CCDC171: variants seen among roughly 807,000 people sequenced by gnomAD.
CCDC171 encodes coiled-coil domain-containing protein 171.
CCDC171 carries 177 observed loss-of-function variants against 168.2 expected under a neutral mutation model. The ratio of observed to expected loss-of-function variants is 1.05; its 90% CI spans 0.93 to 1.19. The LOEUF is 1.19. CCDC171 is among the 50% of genes most tolerant of loss of function. The pLI is 0.00. For missense variants in CCDC171, 1,991 were observed against 1,539.0 expected, an observed-to-expected ratio of 1.29 and a Z score of -4.91; for synonymous variants, 687 against 540.8, an observed-to-expected ratio of 1.27 and a Z score of -3.75.
chr9:15,773,798 A>G (rs906340741), intron 18 of CCDC171, among the ~76,000 whole-genome samples: 7 of 152,200 alleles, frequency 4.6e-5, no homozygotes, highest in African/African-American at 1.7e-4. Flanking sequence ...AGGGGGCATA[A>G]TTAAACTAAA....
At chr9:15,836,596 C>T (rs1563840321) in intron 21 of CCDC171, among the ~76,000 whole-genome samples, 1 of 152,182 alleles carries the variant, frequency 6.6e-6, no homozygotes, top group Non-Finnish European at 1.5e-5. Context: ...CGTGATCCGC[C>T]TGCCTCGGCC....
intron 22 of CCDC171, among the ~76,000 whole-genome samples, chr9:15,848,077 C>T (rs2060977876): frequency 5.3e-5 from 8 of 151,916 alleles, no homozygotes; most frequent in Admixed American, 5.3e-4. Context: ...TCTTATAGCA[C>T]TGAGAAAATT....
At chr9:15,843,752 C>G (rs1183573521) in intron 21 of CCDC171, among the ~76,000 whole-genome samples, 1 of 152,066 alleles carries the variant, frequency 6.6e-6, no homozygotes, top group Non-Finnish European at 1.5e-5. Flanking sequence ...CTCAAATGTA[C>G]TGTTGCTTAA....
chr9:15,700,110 G>A (rs1390581872), intron 11 of CCDC171, among the ~76,000 whole-genome samples: 1 of 152,192 alleles, frequency 6.6e-6, no homozygotes. Context: ...GCTCATCAGG[G>A]AGGCTCCGGT....
intron 3 of CCDC171, among the ~76,000 whole-genome samples, chr9:15,572,655 G>A (rs1037678446): frequency 1.3e-5 from 2 of 152,146 alleles, no homozygotes; most frequent in African/African-American, 4.8e-5. Flanking sequence ...ACCTTTTAAT[G>A]TCTCTCTAAG....
At chr9:16,089,815 T>C in the CCDC171 span, among the ~76,000 whole-genome samples, 2 of 150,488 alleles carry the variant, frequency 1.3e-5, no homozygotes, top group Admixed American at 6.6e-5. Flanking sequence ...TCAAGAAACA[T>C]GAAAAAAAGC....
intron 3 of CCDC171, among the ~76,000 whole-genome samples, chr9:16,014,075 A>G (rs980724023): frequency 6.6e-6 from 1 of 150,860 alleles, no homozygotes; most frequent in African/African-American, 2.4e-5. Context: ...TCTGTGTGAT[A>G]GCATTTTACA....
At chr9:16,087,499 T>G in the CCDC171 span, among the ~76,000 whole-genome samples, 1 of 152,018 alleles carries the variant, frequency 6.6e-6, no homozygotes, top group African/African-American at 2.4e-5. Flanking sequence ...TTCTTTGTCT[T>G]TTTTGATCTT....
intron 1 of CCDC171, among the ~76,000 whole-genome samples, chr9:16,054,116 AG>A (rs1833795991): frequency 1.3e-5 from 2 of 152,020 alleles, no homozygotes; most frequent in Non-Finnish European, 2.9e-5. Context: ...CACGTATTTG[AG>A]TGCGTGGAAA....
intron 7 of CCDC171, among the ~76,000 whole-genome samples, chr9:15,633,236 A>G (rs1386587315): frequency 2.0e-5 from 3 of 152,312 alleles, no homozygotes; most frequent in Non-Finnish European, 2.9e-5. Context: ...TGAACAGGCA[A>G]CCTACACAAT....
At chr9:16,052,798 G>T in intron 1 of CCDC171, among the ~76,000 whole-genome samples, 1 of 75,762 alleles carries the variant, frequency 1.3e-5, no homozygotes, top group Non-Finnish European at 2.6e-5. Context: ...CCAACCCACC[G>T]CCCCCCATTA....
intron 7 of CCDC171, among the ~76,000 whole-genome samples, chr9:15,655,733 A>G (rs533094378): frequency 6.6e-6 from 1 of 152,216 alleles, no homozygotes. Flanking sequence ...CAGCTCAATT[A>G]AAAAATGGTG....
downstream of CCDC171, among the ~76,000 whole-genome samples, chr9:16,064,112 G>A (rs1472041220): frequency 6.6e-6 from 1 of 152,134 alleles, no homozygotes; most frequent in African/African-American, 2.4e-5. Context: ...ACAAAATTAG[G>A]CCACCTCCAA....
intron 23 of CCDC171, among the ~76,000 whole-genome samples, chr9:15,870,663 G>GTTT (rs892241388): frequency 6.7e-6 from 1 of 148,950 alleles, no homozygotes; most frequent in Non-Finnish European, 1.5e-5. Flanking sequence ...ATGAGTGTGT[G>GTTT]TTTTTTTTTT....
chr9:15,873,537 A>C (rs1817458615), intron 23 of CCDC171, among the ~76,000 whole-genome samples: 1 of 152,068 alleles, frequency 6.6e-6, no homozygotes, highest in African/African-American at 2.4e-5. Flanking sequence ...AATAGATAAA[A>C]TTTTAAAACC....
chr9:15,752,988 A>T (rs73416254), intron 18 of CCDC171, among the ~76,000 whole-genome samples: 6,827 of 152,174 alleles, frequency 0.045, 338 homozygotes, highest in South Asian at 0.12. Context: ...TGTTTATGTT[A>T]TTAATTTATT....
intron 6 of CCDC171, among the ~76,000 whole-genome samples, chr9:15,603,490 T>G (rs2043008678): frequency 6.6e-6 from 1 of 152,208 alleles, no homozygotes. Flanking sequence ...CACTTACAAG[T>G]GAGAACATGC....
chr9:16,080,954 A>T, the CCDC171 span, among the ~76,000 whole-genome samples: 1 of 152,160 alleles, frequency 6.6e-6, no homozygotes, highest in Non-Finnish European at 1.5e-5. Flanking sequence ...ACAAGCTCTG[A>T]TAAAGTTTCA....
chr9:15,639,957 A>C (rs892895749), intron 7 of CCDC171, among the ~76,000 whole-genome samples: 1 of 152,178 alleles, frequency 6.6e-6, no homozygotes, highest in Non-Finnish European at 1.5e-5. Flanking sequence ...CTCCTAATGG[A>C]AATGCTTATA....
Sources: gnomAD v4.1 joint callset for allele counts (sites outside exome capture counted in the v4.1 genomes callset) on GRCh38, gnomAD v4.1.1 for gene constraint, MANE v1.5 for transcripts, NCBI Gene and HGNC (gene_info 2026-07-23, HGNC 2026-07-21) for gene names.